Variants in TIAM1 observed in about 807,000 individuals in gnomAD.
TIAM1 encodes TIAM Rac1 associated GEF 1, also known as rho guanine nucleotide exchange factor TIAM1.
TIAM1 carries 65 observed loss-of-function variants against 163.5 expected under a neutral mutation model. That is an observed-to-expected ratio of 0.40 (90% CI 0.33 to 0.49). The LOEUF (loss-of-function observed/expected upper bound fraction) is 0.49. Ranked by LOEUF, TIAM1 falls within the 20% of genes least tolerant of loss-of-function variation. The probability of loss-of-function intolerance (pLI) is 0.77; values close to 1 mark genes in which losing one functional copy is unlikely to be tolerated. For missense variants in TIAM1, 1,789 were observed against 2,044.7 expected (o/e 0.87, Z 2.41); for synonymous variants, 833 against 810.1 (o/e 1.03, Z -0.48).
chr21:31,437,568 T>C (rs896520516), intron 2 of TIAM1, among the ~76,000 whole-genome samples: 4 of 151,026 alleles, frequency 2.6e-5, no homozygotes, highest in African/African-American at 9.8e-5. Flanking sequence ...CACCCAAATC[T>C]CATGTTGAAT....
At chr21:31,311,674 G>C (rs1281406673) in intron 2 of TIAM1, among the ~76,000 whole-genome samples, 3 of 152,156 alleles carry the variant, frequency 2.0e-5, no homozygotes, top group African/African-American at 7.2e-5. Context: ...TTCTTCACAT[G>C]GACTGAGCAG....
intron 23 of TIAM1, among the ~76,000 whole-genome samples, chr21:31,132,768 C>T (rs547367879): frequency 2.6e-5 from 4 of 152,250 alleles, no homozygotes; most frequent in East Asian, 3.9e-4. Flanking sequence ...CAGTGTTGCC[C>T]GATCCCTTCA....
At chr21:31,184,619 G>A (rs545650247) in intron 14 of TIAM1, among the ~76,000 whole-genome samples, 47 of 152,216 alleles carry the variant, frequency 3.1e-4, no homozygotes, top group African/African-American at 1.1e-3. Flanking sequence ...ACTGAAACCA[G>A]AGCAGTAGAT....
At chr21:31,488,855 T>C (rs9980389) in intron 1 of TIAM1, among the ~76,000 whole-genome samples, 4 of 151,716 alleles carry the variant, frequency 2.6e-5, no homozygotes, top group Non-Finnish European at 4.4e-5. Context: ...GGGAAAAACA[T>C]AGATATATAA....
upstream of TIAM1, among the ~76,000 whole-genome samples, chr21:31,348,033 G>A (rs1005594532): frequency 2.0e-5 from 3 of 152,154 alleles, no homozygotes; most frequent in Admixed American, 6.5e-5. Flanking sequence ...AAATGAAAAC[G>A]TATGGAGAGT....
chr21:31,120,364 G>A lies in TIAM1; in HGVS notation c.*4C>T, dbSNP rs769194653. On this transcript the variant is annotated 3_prime_UTR_variant, in exon 28 of 28. Coordinates refer to ENST00000541036, the MANE Select transcript of TIAM1 (RefSeq NM_001353694.2). The surrounding 1 kb of genome is among the most constrained non-coding windows in gnomAD (Gnocchi z 4.2). ...ACACATTCTCTACGGGGCAGGTGAC[G>A]CAGTCAGATCTCAGTGTTCAGTTTC... 1.4e-5 allele frequency: 22 copies of A among 1,598,636 alleles called. No homozygotes were observed. Among genetic ancestry groups the A allele is most frequent in the Admixed American group, 3.4e-5 (2 of 59,068 alleles).
intron 2 of TIAM1, among the ~76,000 whole-genome samples, chr21:31,428,715 T>C (rs563477129): frequency 1.8e-3 from 276 of 151,840 alleles, no homozygotes; most frequent in Non-Finnish European, 3.1e-3. Context: ...AAACCCCACC[T>C]CTACAAAAAA....
intron 1 of TIAM1, among the ~76,000 whole-genome samples, chr21:31,495,746 G>T (rs1023147019): frequency 2.0e-5 from 3 of 152,180 alleles, no homozygotes; most frequent in Admixed American, 1.3e-4. Context: ...AAGGCGGGGC[G>T]GGGGGATCAC....
chr21:31,531,159 T>C (rs1207559852), intron 1 of TIAM1, among the ~76,000 whole-genome samples: 2 of 152,188 alleles, frequency 1.3e-5, no homozygotes, highest in Non-Finnish European at 2.9e-5. Flanking sequence ...CAGATTTAAT[T>C]AGCAGACTGT....
chr21:31,396,736 G>T (rs559124714), intron 2 of TIAM1, among the ~76,000 whole-genome samples: 1 of 151,834 alleles, frequency 6.6e-6, no homozygotes, highest in South Asian at 2.1e-4. Flanking sequence ...GATCACTTGA[G>T]GTCAGGAGCT....
chr21:31,129,295 T>C (rs904679183), intron 25 of TIAM1, among the ~76,000 whole-genome samples: 1 of 152,208 alleles, frequency 6.6e-6, no homozygotes, highest in African/African-American at 2.4e-5. Flanking sequence ...CTGCTACTCA[T>C]GTGTTTCAAG....
chr21:31,330,113 A>C (rs1446196150), intron 2 of TIAM1, among the ~76,000 whole-genome samples: 1 of 152,222 alleles, frequency 6.6e-6, no homozygotes, highest in Non-Finnish European at 1.5e-5. Flanking sequence ...GGATGAATGT[A>C]TAATGACATG....
intron 6 of TIAM1, among the ~76,000 whole-genome samples, 165 bp downstream of exon 6, chr21:31,245,323 T>A (rs2071439465): frequency 1.3e-5 from 2 of 149,530 alleles, no homozygotes; most frequent in Admixed American, 6.7e-5. Context: ...GTTTATTTTG[T>A]CATTCACTGT....
intron 2 of TIAM1, among the ~76,000 whole-genome samples, chr21:31,377,965 C>A (rs188393693): frequency 2.6e-5 from 4 of 151,770 alleles, no homozygotes; most frequent in Admixed American, 2.0e-4. Flanking sequence ...GAAGAAACCC[C>A]GTCTCTACTA....
In TIAM1 at chr21:31,136,061, C is replaced by A; in HGVS notation, c.3775-20G>T. 6 of 1,601,664 alleles carry A rather than the reference C, an allele frequency of 3.7e-6. No individual in the cohort carries two copies. The highest frequency in any genetic ancestry group is 5.1e-6 in the Non-Finnish European group (6 of 1,169,524). Reference sequence around the variant, plus strand: ...TGCAACCTGAAAGCCAGAGACGTGACAAAGCTTACTGGGTGGTGTTATCAA... The same window carrying A: ...TGCAACCTGAAAGCCAGAGACGTGAAAAAGCTTACTGGGTGGTGTTATCAA... On this transcript the variant is annotated intron_variant, in intron 22 of 27. Transcript: ENST00000541036.
intron 11 of TIAM1, among the ~76,000 whole-genome samples, chr21:31,205,436 A>C (rs1386091086): frequency 6.6e-6 from 1 of 152,210 alleles, no homozygotes; most frequent in Non-Finnish European, 1.5e-5. Flanking sequence ...AGGCCAAAAC[A>C]GCAACCTCAC....
intron 2 of TIAM1, among the ~76,000 whole-genome samples, chr21:31,278,220 C>T (rs1353444323): frequency 2.6e-5 from 4 of 152,320 alleles, no homozygotes; most frequent in South Asian, 2.1e-4. Flanking sequence ...ATTGTATACA[C>T]GTTTTCTTAC....
intron 2 of TIAM1, among the ~76,000 whole-genome samples, chr21:31,419,142 A>T (rs1050788245): frequency 3.3e-5 from 5 of 152,264 alleles, no homozygotes; most frequent in Non-Finnish European, 7.4e-5. Context: ...TCCTCCAAAA[A>T]TCGGTATTCA....
chr21:31,206,648 C>T (rs2086466287), intron 11 of TIAM1, among the ~76,000 whole-genome samples: 1 of 152,104 alleles, frequency 6.6e-6, no homozygotes, highest in Admixed American at 6.5e-5. Context: ...TATTATGGTA[C>T]AACAATTTTT....
Sources: gnomAD v4.1 joint callset for allele counts (sites outside exome capture counted in the v4.1 genomes callset) on GRCh38, gnomAD v4.1.1 for gene constraint, Gnocchi (gnomAD v3.1) non-coding constraint, MANE v1.5 for transcripts, NCBI Gene and HGNC (gene_info 2026-07-23, HGNC 2026-07-21) for gene names.